PLXDC2: variants seen among roughly 807,000 people sequenced by gnomAD.
The protein encoded by PLXDC2 is plexin domain-containing protein 2.
PLXDC2 carries 40 observed loss-of-function variants against 68.9 expected under a neutral mutation model. The observed-to-expected ratio is 0.58, with a 90% CI of 0.45 to 0.76. The LOEUF (loss-of-function observed/expected upper bound fraction) is 0.76. PLXDC2 is among the 30% of genes least tolerant of loss of function. The pLI, the probability that PLXDC2 is intolerant of heterozygous loss-of-function variation, is 0.00. For missense variants in PLXDC2, 644 were observed against 661.9 expected, an observed-to-expected ratio of 0.97 and a Z score of 0.30; for synonymous variants, 243 against 234.2, an observed-to-expected ratio of 1.04 and a Z score of -0.34.
chr10:19,998,562 GATATTC>G (rs1834878571), intron 1 of PLXDC2, among the ~76,000 whole-genome samples: 1 of 152,214 alleles, frequency 6.6e-6, no homozygotes, highest in Admixed American at 6.5e-5. Context: ...CAACCAAAAG[GATATTC>G]ATGGATGCCA....
intron 7 of PLXDC2, among the ~76,000 whole-genome samples, chr10:20,172,248 A>AAG (rs1554772201): frequency 2.3e-4 from 34 of 150,494 alleles, no homozygotes; most frequent in African/African-American, 6.9e-4. Flanking sequence ...AAAAAAAAAA[A>AAG]AGAGAGAGAG....
chr10:20,105,853 A>T (rs1833484769), intron 4 of PLXDC2, among the ~76,000 whole-genome samples: 1 of 152,210 alleles, frequency 6.6e-6, no homozygotes, highest in Non-Finnish European at 1.5e-5. Flanking sequence ...TGTGGACGAG[A>T]GCATTATTTA....
intron 1 of PLXDC2, among the ~76,000 whole-genome samples, chr10:19,826,879 G>C (rs760043076): frequency 6.6e-6 from 1 of 152,140 alleles, no homozygotes. Context: ...ATACTGATGG[G>C]TATGTTGTGA....
At chr10:19,913,016 T>C (rs1003352518) in intron 1 of PLXDC2, among the ~76,000 whole-genome samples, 8 of 152,202 alleles carry the variant, frequency 5.3e-5, no homozygotes, top group East Asian at 1.9e-4. Flanking sequence ...ATGACTTTAG[T>C]AGGTTCTAGT....
intron 7 of PLXDC2, among the ~76,000 whole-genome samples, chr10:20,171,595 T>C (rs1461827581): frequency 6.6e-6 from 1 of 152,200 alleles, no homozygotes; most frequent in Admixed American, 6.6e-5. Context: ...TGACTCTGAC[T>C]TGATTTTTAA....
chr10:19,946,572 C>T (rs1564635850), intron 1 of PLXDC2, among the ~76,000 whole-genome samples: 1 of 151,488 alleles, frequency 6.6e-6, no homozygotes, highest in Non-Finnish European at 1.5e-5. Flanking sequence ...CTGCTGTAAT[C>T]TCCAGCAGTG....
At position 20,046,862 on chromosome 10, in the gene PLXDC2, A is replaced by G; in HGVS notation, c.325-7A>G. On this transcript the variant is annotated splice_region_variant and splice_polypyrimidine_tract_variant and intron_variant, in intron 2 of 13. Transcript: ENST00000377252. ...TTCTTGATATACATTATTATCTATT[A>G]TTGCAGGAGGATACAGACCACAATT... 1.3e-6 allele frequency: 2 copies of G among 1,594,588 alleles called. No individual in the cohort carries two copies. Among genetic ancestry groups the G allele is most frequent in the Non-Finnish European group, 1.7e-6 (2 of 1,173,018 alleles).
At chr10:20,130,571 T>C (rs1204727032) in intron 4 of PLXDC2, among the ~76,000 whole-genome samples, 1 of 152,160 alleles carries the variant, frequency 6.6e-6, no homozygotes, top group Non-Finnish European at 1.5e-5. Context: ...CTTATCTTGT[T>C]ACTAATCCCG....
chr10:19,962,437 C>T (rs1321744731), intron 1 of PLXDC2, among the ~76,000 whole-genome samples: 1 of 118,616 alleles, frequency 8.4e-6, no homozygotes, highest in Non-Finnish European at 1.6e-5. Flanking sequence ...GTGAACCAGG[C>T]TGCAGTGCAG....
At chr10:19,927,315 A>G (rs1219068159) in intron 1 of PLXDC2, among the ~76,000 whole-genome samples, 1 of 152,130 alleles carries the variant, frequency 6.6e-6, no homozygotes, top group Non-Finnish European at 1.5e-5. Flanking sequence ...ATCCCGGAGG[A>G]AGCTGACATT....
intron 4 of PLXDC2, among the ~76,000 whole-genome samples, chr10:20,142,665 A>G (rs1834022039): frequency 6.6e-6 from 1 of 152,042 alleles, no homozygotes; most frequent in South Asian, 2.1e-4. Flanking sequence ...GCATTTGTGC[A>G]TTGTCAATGT....
intron 1 of PLXDC2, among the ~76,000 whole-genome samples, chr10:19,843,202 C>T (rs1657207448): frequency 6.6e-6 from 1 of 152,010 alleles, no homozygotes; most frequent in Non-Finnish European, 1.5e-5. Context: ...TGTTTGAAAA[C>T]AGTGTTTATG....
intron 2 of PLXDC2, among the ~76,000 whole-genome samples, chr10:20,035,189 T>C (rs1201882298): frequency 6.6e-6 from 1 of 152,054 alleles, no homozygotes; most frequent in Non-Finnish European, 1.5e-5. Context: ...AGAGGGGTAA[T>C]GTAGTATTAG....
rs1479028461 is a variant in PLXDC2 at position 20,288,137 on chromosome 10, T to G, written c.*8318T>G. On this transcript the variant is annotated 3_prime_UTR_variant, in exon 14 of 14. Coordinates refer to ENST00000377252, the MANE Select transcript of PLXDC2 (RefSeq NM_032812.9). ...CTACAAGAGGACACTGAGGAAAATC[T>G]GGCCCTATGAACCTAGTCAACCCCA... is the stretch of plus-strand genomic sequence containing the variant. 6.6e-6 allele frequency: 1 copy of G among 152,188 alleles called. No individual in the cohort carries two copies. The highest frequency in any genetic ancestry group is 1.5e-5 in the Non-Finnish European group (1 of 68,068). 9.4% of individuals were successfully genotyped at this position (152,188 alleles called of 1,614,324 possible).
At chr10:19,924,200 G>A (rs1340936659) in intron 1 of PLXDC2, among the ~76,000 whole-genome samples, 5 of 152,202 alleles carry the variant, frequency 3.3e-5, no homozygotes, top group Non-Finnish European at 7.3e-5. Flanking sequence ...GCTTATTCCT[G>A]TGAATTAACC....
At chr10:19,954,904 T>C (rs896009296) in intron 1 of PLXDC2, among the ~76,000 whole-genome samples, 4 of 152,122 alleles carry the variant, frequency 2.6e-5, no homozygotes, top group Non-Finnish European at 5.9e-5. Flanking sequence ...CCCTGTCGTA[T>C]CTATCTGTAC....
At chr10:20,057,782 G>A (rs1421013791) in intron 3 of PLXDC2, among the ~76,000 whole-genome samples, 1 of 151,938 alleles carries the variant, frequency 6.6e-6, no homozygotes, top group Non-Finnish European at 1.5e-5. Context: ...GATTCCATGT[G>A]GGCTAAACTG....
intron 11 of PLXDC2, 74 bp from the exon 12 acceptor site, chr10:20,218,990 T>C (rs945778705): frequency 2.4e-5 from 36 of 1,516,256 alleles, no homozygotes; most frequent in Non-Finnish European, 3.2e-5. Flanking sequence ...TAGTAGACAA[T>C]TACTAGTCAT....
At chr10:20,081,649 CAACA>C (rs575892327) in intron 4 of PLXDC2, among the ~76,000 whole-genome samples, 5 of 152,030 alleles carry the variant, frequency 3.3e-5, no homozygotes, top group East Asian at 3.9e-4. Flanking sequence ...TATTATTTGC[CAACA>C]AACAAACAAA....
Sources: gnomAD v4.1 joint callset for allele counts (sites outside exome capture counted in the v4.1 genomes callset) on GRCh38, gnomAD v4.1.1 for gene constraint, MANE v1.5 for transcripts, NCBI Gene and HGNC (gene_info 2026-07-23, HGNC 2026-07-21) for gene names.